Variants in CDH23 observed in about 807,000 individuals in gnomAD.
CDH23 encodes the protein cadherin-23.
In CDH23, 189 loss-of-function variants were observed where a neutral mutation model predicts 317.1. That is an observed-to-expected ratio of 0.60 (90% CI 0.53 to 0.67). The LOEUF (loss-of-function observed/expected upper bound fraction) is 0.67, where lower values mean the gene tolerates loss of function less well. Ranked by LOEUF, CDH23 falls within the 30% of genes least tolerant of loss-of-function variation. The pLI is 0.00. For missense variants in CDH23, 4,401 were observed against 4,592.4 expected, an observed-to-expected ratio of 0.96 and a Z score of 1.20; for synonymous variants, 1,839 against 1,876.8, an observed-to-expected ratio of 0.98 and a Z score of 0.52.
intron 27 of CDH23, chr10:71,712,419 T>TCACA: frequency 2.1e-6 from 1 of 468,936 alleles, no homozygotes; most frequent in Admixed American, 3.5e-5. Context: ...GTAAAGTGTC[T>TCACA]GCTTCATGGG....
chr10:71,575,182 TG>T (rs1564662802), intron 8 of CDH23, among the ~76,000 whole-genome samples: 2 of 152,116 alleles, frequency 1.3e-5, no homozygotes, highest in Non-Finnish European at 2.9e-5. Flanking sequence ...ATGATTAATA[TG>T]GGGTGTTGGG....
chr10:71,413,410 A>T (rs979588569), intron 1 of CDH23, among the ~76,000 whole-genome samples: 6 of 152,158 alleles, frequency 3.9e-5, no homozygotes, highest in Non-Finnish European at 8.8e-5. Context: ...AGAAAGTGTG[A>T]GTACTCCAAC....
At chr10:71,537,962 C>T (rs1238676204) in intron 6 of CDH23, among the ~76,000 whole-genome samples, 1 of 152,238 alleles carries the variant, frequency 6.6e-6, no homozygotes, top group Non-Finnish European at 1.5e-5. Context: ...CCCACTCCCT[C>T]AGTAGGGAGC....
intron 9 of CDH23, among the ~76,000 whole-genome samples, chr10:71,591,129 C>T (rs1005995655): frequency 6.6e-6 from 1 of 152,014 alleles, no homozygotes; most frequent in Non-Finnish European, 1.5e-5. Context: ...ATTTGCTGAG[C>T]GGCTGGTGCT....
At chr10:71,398,940 T>C (rs918839614) in intron 1 of CDH23, among the ~76,000 whole-genome samples, 55 of 152,276 alleles carry the variant, frequency 3.6e-4, no homozygotes, top group African/African-American at 1.1e-3. Flanking sequence ...TGGGTCCGCA[T>C]ATACTTCTCA....
intron 14 of CDH23, among the ~76,000 whole-genome samples, chr10:71,656,058 G>A (rs1863403000): frequency 6.6e-6 from 1 of 152,130 alleles, no homozygotes; most frequent in African/African-American, 2.4e-5. Flanking sequence ...TTCCTGCTCA[G>A]TCCAAGGAGA....
In CDH23 at chr10:71,799,253, C is replaced by T; in HGVS notation, c.7197C>T (p.Asn2399=). Residue 2399 remains asparagine (N), a synonymous_variant, in exon 51 of 70, where the codon AAC becomes AAT. Transcript: ENST00000224721. ...AAATCGTGGACATCAATGACAACAACCCCATCTTTGACCAGCCCTCCTACC... is the reference window on the plus strand; with the variant it reads ...AAATCGTGGACATCAATGACAACAATCCCATCTTTGACCAGCCCTCCTACC... ...YLEIVDINDN[N]PIFDQPSYQE... is the part of the protein sequence containing the mutation. 4 of 1,614,090 alleles carry T rather than the reference C, an allele frequency of 2.5e-6. No individual in the cohort carries two copies. The highest frequency in any genetic ancestry group is 1.1e-5 in the South Asian group (1 of 91,088).
At chr10:71,658,770 G>A (rs1216933417) in intron 14 of CDH23, among the ~76,000 whole-genome samples, 5 of 152,122 alleles carry the variant, frequency 3.3e-5, no homozygotes, top group African/African-American at 9.7e-5. Flanking sequence ...TCAGACCCCA[G>A]ACGGTCTGAC....
In CDH23 at chr10:71,809,802, C is replaced by T. The variant is rs954609075; in HGVS notation, c.8723-18C>T. 1.9e-6 allele frequency: 3 copies of T among 1,607,268 alleles called. No homozygotes were observed. Among genetic ancestry groups the T allele is most frequent in the Middle Eastern group, 1.6e-4 (1 of 6,064 alleles). ...CACTGAGTCTCTGAGCCGTACCCCG[C>T]CTTTGGGCTTCCTGCAGGGAGCATG... is the stretch of plus-strand genomic sequence containing the variant. On this transcript the variant is annotated intron_variant, in intron 60 of 69. Transcript: ENST00000224721.
chr10:71,551,169 T>G (rs1402326589), intron 6 of CDH23, among the ~76,000 whole-genome samples: 1 of 152,254 alleles, frequency 6.6e-6, no homozygotes, highest in Non-Finnish European at 1.5e-5. Flanking sequence ...CCGCATTAAT[T>G]AACGTACCAT....
chr10:71,495,587 C>A lies in CDH23; in HGVS notation c.146-14495C>A, dbSNP rs564089505. 6.6e-4 allele frequency among the ~76,000 whole-genome samples: 100 copies of A among 152,028 alleles called. 1 individual carries two copies. The South Asian group carries it at 0.015, about 23-fold the overall frequency. ...GTGGCTCACGCCTGTAATCCCAGCA[C>A]TTTGGGAGGCTGGGGTGGGAGGATT... On this transcript the variant is annotated intron_variant, in intron 3 of 69. Coordinates refer to ENST00000224721, the MANE Select transcript of CDH23 (RefSeq NM_022124.6).
chr10:71,669,096 A>G (rs10999943), intron 14 of CDH23, among the ~76,000 whole-genome samples: 31,098 of 152,184 alleles, frequency 0.2, 3,380 homozygotes, highest in Admixed American at 0.26. Context: ...CTGCAAGGAC[A>G]GTGCTGAGCG....
chr10:71,504,808 C>G (rs887893085), intron 3 of CDH23, among the ~76,000 whole-genome samples: 2 of 152,192 alleles, frequency 1.3e-5, no homozygotes, highest in South Asian at 2.1e-4. Flanking sequence ...TGGTTGTTTA[C>G]GGCCAGCGTT....
In CDH23 at chr10:71,760,181, GTA is replaced by G. The variant is rs74189375; in HGVS notation, c.4846-17491_4846-17490del. On this transcript the variant is annotated intron_variant, in intron 38 of 69. Coordinates refer to ENST00000224721, the MANE Select transcript of CDH23 (RefSeq NM_022124.6). ...TATATGTATATACATATATATGTGTGTATATATATGTATATACATATATATGT... is the reference window on the plus strand; with the variant it reads ...TATATGTATATACATATATATGTGTGTATATATGTATATACATATATATGT... 1.1e-4 allele frequency among the ~76,000 whole-genome samples: 4 copies of G among 37,250 alleles called. 1 individual carries two copies. The highest frequency in any genetic ancestry group is 4.3e-4 in the African/African-American group (3 of 6,994). The allele number at this position is 37,250 out of a possible 152,430, so 24.4% of individuals were successfully genotyped here. A position where few individuals can be genotyped will look rare whatever the true frequency, so the allele number is the denominator to read the frequency against.
intron 14 of CDH23, among the ~76,000 whole-genome samples, chr10:71,657,440 G>A (rs1000533873): frequency 7.2e-5 from 11 of 152,214 alleles, no homozygotes; most frequent in South Asian, 2.1e-4. Flanking sequence ...TAGAATAGTC[G>A]TCTCTCCCTG....
intron 30 of CDH23, 35 bp from the exon 31 acceptor site, chr10:71,730,434 A>C: frequency 6.2e-7 from 1 of 1,609,514 alleles, no homozygotes; most frequent in South Asian, 1.1e-5. Flanking sequence ...CCTCCACCCC[A>C]CCCTGACCTT....
chr10:71,419,350 C>G (rs1476207442), intron 1 of CDH23, among the ~76,000 whole-genome samples: 1 of 152,174 alleles, frequency 6.6e-6, no homozygotes, highest in Non-Finnish European at 1.5e-5. Flanking sequence ...TCCCTGTCCA[C>G]CCCAGTACAT....
intron 34 of CDH23, chr10:71,737,602 C>T: frequency 2.2e-6 from 1 of 447,446 alleles, no homozygotes; most frequent in Non-Finnish European, 4.5e-6. Flanking sequence ...CTGAACCCCA[C>T]ATGCAGGGAA....
intron 38 of CDH23, among the ~76,000 whole-genome samples, chr10:71,770,957 T>C (rs1437665500): frequency 6.6e-6 from 1 of 152,036 alleles, no homozygotes; most frequent in Non-Finnish European, 1.5e-5. Flanking sequence ...GGGCAGTGGG[T>C]TGTGGATTTC....
Sources: allele counts gnomAD v4.1 joint callset (sites outside exome capture counted in the v4.1 genomes callset), GRCh38; gene constraint gnomAD v4.1.1; transcripts MANE v1.5; gene names NCBI Gene and HGNC (gene_info 2026-07-23, HGNC 2026-07-21).